The following PIWIL2 variants were observed in gnomAD, a reference collection of about 807,000 sequenced individuals.
PIWIL2 encodes piwi like RNA-mediated gene silencing 2.
Under a neutral mutation model 116.5 loss-of-function variants are expected in PIWIL2, and 81 were observed. That is an observed-to-expected ratio of 0.70 (90% CI 0.58 to 0.84). The LOEUF is 0.84. PIWIL2 is among the 40% of genes least tolerant of loss of function. The pLI, the probability that PIWIL2 is intolerant of heterozygous loss-of-function variation, is 0.00. For synonymous variants in PIWIL2, 489 were observed against 429.5 expected, an observed-to-expected ratio of 1.14 and a Z score of -1.71; for missense variants, 1,272 against 1,212.3, an observed-to-expected ratio of 1.05 and a Z score of -0.73.
Position 22,314,418 on chromosome 8 carries a change from G to A in PIWIL2, c.2080G>A (p.Val694Met), listed in dbSNP as rs778216689. 10 of 1,565,608 alleles carry A rather than the reference G, an allele frequency of 6.4e-6. No homozygotes were observed. In the East Asian group the frequency reaches 2.3e-4, roughly 37 times the overall value. ...GAAGCTGTGCTGTGTGCAGTCCCCA[G>A]TGCCCTCCCAGGTGAGTGGGTGTTG... ...IKKLCCVQSP[V>M]PSQVVNVRTI... is the part of the protein sequence containing the mutation. The change falls in exon 17 of 23, where the codon GTG becomes ATG. Residue 694 changes from valine (V) to methionine (M), a missense_variant. By Grantham distance (21) the Val-to-Met change is conservative. Transcript: ENST00000356766.
intron 20 of PIWIL2, among the ~76,000 whole-genome samples, chr8:22,332,174 G>A (rs1323552659): frequency 6.6e-6 from 1 of 151,984 alleles, no homozygotes; most frequent in East Asian, 1.9e-4. Context: ...GTGTGGTGCT[G>A]CGCCCCTGTA....
chr8:22,288,588 G>A lies in PIWIL2; in HGVS notation c.908G>A (p.Ser303Asn), dbSNP rs1424410413. The change falls in exon 8 of 23, where the codon AGC (serine) becomes AAC (asparagine). Residue 303 changes from serine to asparagine, a missense_variant. Transcript: ENST00000356766. Reference protein sequence around the residue: ...SQRKTDSAEISIKIQMTKILE... With the variant: ...SQRKTDSAEINIKIQMTKILE... ...AGGAAAACAGACAGTGCTGAAATCAGCATTAAGATTCAGATGACAAAGATC... is the reference window on the plus strand; with the variant it reads ...AGGAAAACAGACAGTGCTGAAATCAACATTAAGATTCAGATGACAAAGATC... 4 of 1,612,452 alleles carry A rather than the reference G, an allele frequency of 2.5e-6. No individual in the cohort carries two copies. The highest frequency in any genetic ancestry group is 3.4e-6 in the Non-Finnish European group (4 of 1,178,416).
At chr8:22,341,333 C>T (rs931426754) in intron 20 of PIWIL2, among the ~76,000 whole-genome samples, 1 of 151,554 alleles carries the variant, frequency 6.6e-6, no homozygotes, top group Admixed American at 6.6e-5. Context: ...CGGTGGCTCA[C>T]GCCTGTAATT....
chr8:22,279,705 C>T (rs1336376058), intron 2 of PIWIL2, 121 bp downstream of exon 2: 3 of 902,294 alleles, frequency 3.3e-6, no homozygotes, highest in Admixed American at 4.5e-5. Context: ...GTAATCCCAG[C>T]ACTTTGGGAG....
intron 10 of PIWIL2, among the ~76,000 whole-genome samples, chr8:22,300,870 G>T (rs1489924097): frequency 6.6e-6 from 1 of 152,118 alleles, no homozygotes; most frequent in Non-Finnish European, 1.5e-5. Context: ...GAGTTGTGCA[G>T]TAATTCATTA....
chr8:22,285,313 A>G (rs1830605180), intron 6 of PIWIL2, among the ~76,000 whole-genome samples: 1 of 152,144 alleles, frequency 6.6e-6, no homozygotes, highest in South Asian at 2.1e-4. Context: ...TATGAGTGAG[A>G]TCAGATGGTA....
Position 22,354,144 on chromosome 8 carries a change from T to C in PIWIL2, c.2658-127T>C, listed in dbSNP as rs75369449. 606 of 652,134 alleles carry C rather than the reference T, an allele frequency of 9.3e-4. 4 individuals carry two copies. In the East Asian group the frequency reaches 0.016, roughly 17 times the overall value. The allele number at this position is 652,134 out of a possible 1,614,324, so 40.4% of individuals were successfully genotyped here. A position where few individuals can be genotyped will look rare whatever the true frequency, so the allele number is the denominator to read the frequency against. ...GGTTCTAATCCTGGTCTGGCCTCTGTGTCCTTGATCCAGTCATTTGAGCTC... is the reference window on the plus strand; with the variant it reads ...GGTTCTAATCCTGGTCTGGCCTCTGCGTCCTTGATCCAGTCATTTGAGCTC... On this transcript the variant is annotated intron_variant, in intron 21 of 22. Transcript: ENST00000356766.
chr8:22,297,809 C>T (rs985788740), intron 10 of PIWIL2, among the ~76,000 whole-genome samples: 2 of 152,160 alleles, frequency 1.3e-5, no homozygotes, highest in Non-Finnish European at 2.9e-5. Flanking sequence ...TAATGGGCCT[C>T]CAACCATAGG....
chr8:22,338,879 C>T (rs1832041448), intron 20 of PIWIL2, among the ~76,000 whole-genome samples: 1 of 151,958 alleles, frequency 6.6e-6, no homozygotes, highest in Non-Finnish European at 1.5e-5. Flanking sequence ...AATGCAAAAA[C>T]ATAGAATAGT....
intron 6 of PIWIL2, 95 bp from the exon 7 acceptor site, chr8:22,287,433 C>A: frequency 1.2e-6 from 1 of 801,974 alleles, no homozygotes. Context: ...CTAGATGGAG[C>A]AGCAGTTACT....
In PIWIL2 at chr8:22,306,011, A is replaced by G. The variant is rs745677577; in HGVS notation, c.1540A>G (p.Met514Val). ...GAAGATGAAGAAGGACTTCAGAGCC[A>G]TGAAGGTTGGAGTCCTGTGTTTTCA... ...PEKMKKDFRA[M>V]KDLAQQINLS... Residue 514 changes from methionine to valine, a missense_variant, in exon 13 of 23, where the codon ATG becomes GTG. Met to Val is a conservative substitution (Grantham distance 21). Coordinates refer to ENST00000356766, the MANE Select transcript of PIWIL2 (RefSeq NM_018068.5). 6.2e-7 allele frequency: 1 copy of G among 1,611,422 alleles called. No individual in the cohort carries two copies. The highest frequency in any genetic ancestry group is 1.1e-5 in the South Asian group (1 of 91,004).
intron 20 of PIWIL2, among the ~76,000 whole-genome samples, chr8:22,341,690 A>G (rs1005548115): frequency 1.3e-5 from 2 of 152,096 alleles, no homozygotes; most frequent in Non-Finnish European, 2.9e-5. Flanking sequence ...TACAGCTAAC[A>G]TACTCGTGAA....
chr8:22,311,028 A>G (rs1322291065), intron 15 of PIWIL2, 84 bp from the exon 16 acceptor site: 2 of 1,186,536 alleles, frequency 1.7e-6, no homozygotes, highest in Non-Finnish European at 2.4e-6. Flanking sequence ...GTGAAAAGTA[A>G]TTTATTCTCT....
intron 20 of PIWIL2, among the ~76,000 whole-genome samples, chr8:22,319,978 T>C (rs1189303695): frequency 6.6e-6 from 1 of 152,226 alleles, no homozygotes; most frequent in Non-Finnish European, 1.5e-5. Context: ...TTTTCTTTTT[T>C]TGAGACAGGG....
intron 6 of PIWIL2, among the ~76,000 whole-genome samples, chr8:22,285,640 A>G (rs764154188): frequency 5.3e-5 from 8 of 151,272 alleles, no homozygotes; most frequent in Admixed American, 5.3e-4. Flanking sequence ...CTTCCATACT[A>G]TTTCTTTTTT....
intron 22 of PIWIL2, among the ~76,000 whole-genome samples, chr8:22,355,074 A>C (rs1832458738): frequency 6.6e-6 from 1 of 151,906 alleles, no homozygotes; most frequent in Non-Finnish European, 1.5e-5. Flanking sequence ...TGTCAAAAAA[A>C]AAAAACAAAA....
Position 22,305,932 on chromosome 8 carries a change from A to G in PIWIL2, c.1461A>G (p.Leu487=). 1 of 1,613,132 alleles carries G rather than the reference A, an allele frequency of 6.2e-7. No homozygotes were observed. The highest frequency in any genetic ancestry group is 8.5e-7 in the Non-Finnish European group (1 of 1,179,120). ...TCTTCGTTCTCTCTTCAAAGCTGCT[A>G]AAAGGGGAAATCCTGCTGCTGCCTG... is the stretch of plus-strand genomic sequence containing the variant. ...SERQDNHGML[L]KGEILLLPEL... Residue 487 remains leucine (L), a synonymous_variant, in exon 13 of 23, where the codon CTA becomes CTG. Transcript: ENST00000356766.
chr8:22,303,270 T>C (rs1831094242), intron 10 of PIWIL2, among the ~76,000 whole-genome samples: 1 of 152,160 alleles, frequency 6.6e-6, no homozygotes, highest in Non-Finnish European at 1.5e-5. Context: ...GAAAATGGAG[T>C]AAGATCTGTA....
chr8:22,351,716 T>G (rs181260783), intron 20 of PIWIL2, among the ~76,000 whole-genome samples: 2 of 151,076 alleles, frequency 1.3e-5, no homozygotes, highest in Admixed American at 6.6e-5. Flanking sequence ...TTTTGTATTT[T>G]TAGTAGAGAC....
Sources: allele counts gnomAD v4.1 joint callset (sites outside exome capture counted in the v4.1 genomes callset), GRCh38; gene constraint gnomAD v4.1.1; transcripts MANE v1.5; gene names NCBI Gene and HGNC (gene_info 2026-07-23, HGNC 2026-07-21).